Variants in CORO7 observed in about 807,000 individuals in gnomAD.
CORO7 encodes the protein coronin 7, also known as coronin-7.
Under a neutral mutation model 126.6 loss-of-function variants are expected in CORO7, and 107 were observed. That is an observed-to-expected ratio of 0.85 (90% CI 0.72 to 0.99). The LOEUF is 0.99. Ranked by LOEUF, CORO7 falls within the 50% of genes least tolerant of loss-of-function variation. CORO7 has a pLI of 0.00. For missense variants in CORO7, 1,314 were observed against 1,255.8 expected, an observed-to-expected ratio of 1.05 and a Z score of -0.70; for synonymous variants, 603 against 536.8, an observed-to-expected ratio of 1.12 and a Z score of -1.70.
chr16:4,408,339 T>C (rs1007765678), intron 3 of CORO7, 88 bp from the exon 4 acceptor site: 1 of 1,572,878 alleles, frequency 6.4e-7, no homozygotes, highest in Non-Finnish European at 8.7e-7. Flanking sequence ...GGTGACACTT[T>C]TGTGTGCACA....
chr16:4,406,607 T>G (rs989213412), intron 5 of CORO7, among the ~76,000 whole-genome samples: 46 of 149,956 alleles, frequency 3.1e-4, no homozygotes, highest in African/African-American at 1.1e-3. Context: ...TCCAAGAAGG[T>G]TTTTTTTTGG....
chr16:4,384,092 G>A (rs1231751356), intron 9 of CORO7, among the ~76,000 whole-genome samples: 8 of 152,202 alleles, frequency 5.3e-5, no homozygotes, highest in Admixed American at 2.6e-4. Flanking sequence ...GCTCTGGTGG[G>A]AGGGGAAGTG....
chr16:4,369,232 C>A (rs1435365571), intron 9 of CORO7, among the ~76,000 whole-genome samples: 1 of 152,272 alleles, frequency 6.6e-6, no homozygotes, highest in Non-Finnish European at 1.5e-5. Flanking sequence ...ATCCTGTCTG[C>A]CGTGGCACGG....
chr16:4,397,532 G>A (rs1159266140), intron 6 of CORO7: 1 of 152,146 alleles, frequency 6.6e-6, no homozygotes, highest in East Asian at 1.9e-4. Context: ...AGGCCAAAGT[G>A]GAAGAATCAC....
intron 21 of CORO7, 72 bp downstream of exon 21, chr16:4,360,206 T>C (rs1044561428): frequency 4.4e-6 from 7 of 1,596,472 alleles, no homozygotes; most frequent in African/African-American, 2.7e-5. Context: ...GCCTGACAAA[T>C]GTATGTGACT....
intron 8 of CORO7, 48 bp from the exon 9 acceptor site, chr16:4,388,116 C>G: frequency 6.3e-7 from 1 of 1,577,676 alleles, no homozygotes; most frequent in Non-Finnish European, 8.6e-7. Context: ...TCCCTCAGCC[C>G]CACCCGGGGG....
chr16:4,387,934 C>T (rs566575904), intron 9 of CORO7, 52 bp downstream of exon 9: 39 of 1,602,018 alleles, frequency 2.4e-5, no homozygotes, highest in East Asian at 4.5e-5. Context: ...CCCTCACCTG[C>T]GGCGCCTTGG....
intron 3 of CORO7, among the ~76,000 whole-genome samples, chr16:4,410,883 A>G (rs2056180844): frequency 6.6e-6 from 1 of 152,206 alleles, no homozygotes; most frequent in South Asian, 2.1e-4. Context: ...CAATAAAACT[A>G]TTTACAAAAA....
chr16:4,415,088 G>C (rs746328087), intron 1 of CORO7, among the ~76,000 whole-genome samples: 1 of 151,844 alleles, frequency 6.6e-6, no homozygotes, highest in Non-Finnish European at 1.5e-5. Flanking sequence ...GGCTGGTCTC[G>C]AACTCCTGAG....
Position 4,407,398 on chromosome 16 carries a change from G to C in CORO7, c.487+103C>G, listed in dbSNP as rs999230035. The C allele has an allele frequency of 2.2e-6, 3 of 1,363,270 alleles. No homozygotes were observed. The East Asian group carries it at 7.5e-5, about 34-fold the overall frequency. The allele number at this position is 1,363,270 out of a possible 1,614,324, so 84.4% of individuals were successfully genotyped here. On this transcript the variant is annotated intron_variant, in intron 5 of 27. Transcript: ENST00000251166. ...TTATACTATGTAAGTGTAAAACTTTGATATCTGTTTTTAAATTTATGTGAC... is the reference window on the plus strand; with the variant it reads ...TTATACTATGTAAGTGTAAAACTTTCATATCTGTTTTTAAATTTATGTGAC...
Position 4,358,451 on chromosome 16 carries a change from G to A in CORO7, c.2373C>T (p.Asp791=), listed in dbSNP as rs774821649. The change falls in exon 24 of 28, where the codon GAC becomes GAT. Residue 791 remains aspartate (D), a synonymous_variant. Coordinates refer to ENST00000251166, the MANE Select transcript of CORO7 (RefSeq NM_024535.5). ...GLVLLPKTEC[D]VREVELMRCL... ...ACCGCATCAGCTCCACTTCCCGCACGTCGCACTCCGTCTTAGGCAGGAGGA... is the reference window on the plus strand; with the variant it reads ...ACCGCATCAGCTCCACTTCCCGCACATCGCACTCCGTCTTAGGCAGGAGGA... The A allele has an allele frequency of 1.3e-5, 21 of 1,609,792 alleles. No individual in the cohort carries two copies. The highest frequency in any genetic ancestry group is 4.0e-5 in the African/African-American group (3 of 74,976).
chr16:4,413,189 C>A lies in CORO7; in HGVS notation c.157+119G>T, dbSNP rs572097441. 4.6e-6 allele frequency: 5 copies of A among 1,085,792 alleles called. No homozygotes were observed. The South Asian group carries it at 6.4e-5, about 14-fold the overall frequency. 67.3% of individuals were successfully genotyped at this position (1,085,792 alleles called of 1,614,324 possible). ...GGCATGGGGCTCACCTCTGAGCCCC[C>A]CAAAGCAGTTCCGTTCCAAGTCTCC... is the stretch of plus-strand genomic sequence containing the variant. On this transcript the variant is annotated intron_variant, in intron 2 of 27. Coordinates refer to ENST00000251166, the MANE Select transcript of CORO7 (RefSeq NM_024535.5).
chr16:4,387,956 C>A (rs777681721), intron 9 of CORO7, 30 bp downstream of exon 9: 2 of 1,610,942 alleles, frequency 1.2e-6, no homozygotes, highest in African/African-American at 2.7e-5. Flanking sequence ...TCATCAGCCC[C>A]CCAGCCCACC....
intron 6 of CORO7, among the ~76,000 whole-genome samples, chr16:4,401,798 G>A (rs995792767): frequency 6.6e-6 from 1 of 152,172 alleles, no homozygotes; most frequent in African/African-American, 2.4e-5. Flanking sequence ...AGTCAGGGCT[G>A]CTCCTGCCCC....
At chr16:4,382,503 G>A in intron 9 of CORO7, 5 of 1,592,702 alleles carry the variant, frequency 3.1e-6, no homozygotes, top group Non-Finnish European at 4.3e-6. Context: ...GGCCCGGGCG[G>A]GTGCCGGAGG....
In CORO7 at chr16:4,359,596, A is replaced by G. The variant is rs1380510293; in HGVS notation, c.2134T>C (p.Tyr712His). 26 of 1,606,322 alleles carry G rather than the reference A, an allele frequency of 1.6e-5. No homozygotes were observed. Among genetic ancestry groups the G allele is most frequent in the Non-Finnish European group, 2.1e-5 (25 of 1,175,060 alleles). ...CCGCCGGCCAGGGCCTCAGCTTCAT[A>G]TAGGAGCAGCTGGCGCTCACTTTGG... ...DSQSERQLLL[Y>H]EAEALAGGPL... Residue 712 changes from tyrosine to histidine, a missense_variant, in exon 22 of 28, where the codon TAT becomes CAT. Transcript: ENST00000251166.
At chr16:4,358,518 A>T (rs759313798) in intron 23 of CORO7, 35 bp from the exon 24 acceptor site, 51 of 1,547,646 alleles carry the variant, frequency 3.3e-5, no homozygotes, top group Middle Eastern at 4.1e-4. Flanking sequence ...TGCCGCTGGG[A>T]CCTAGAGCTC....
In CORO7 at chr16:4,408,326, C is replaced by T. The variant is rs74003298; in HGVS notation, c.233-75G>A. 4.9e-4 allele frequency: 789 copies of T among 1,598,168 alleles called. 3 individuals are homozygous for T. The African/African-American group carries it at 8.9e-3, about 18-fold the overall frequency. On this transcript the variant is annotated intron_variant, in intron 3 of 27. Transcript: ENST00000251166. ...AGTATGAAGCAAAGCCCAGGGCTTCCGAGGTGACACTTTTGTGTGCACACA... is the reference window on the plus strand; with the variant it reads ...AGTATGAAGCAAAGCCCAGGGCTTCTGAGGTGACACTTTTGTGTGCACACA...
At chr16:4,388,212 C>A in intron 8 of CORO7, 144 bp from the exon 9 acceptor site, 1 of 1,037,192 alleles carries the variant, frequency 9.6e-7, no homozygotes, top group Non-Finnish European at 1.4e-6. Flanking sequence ...GTGGGAGTCA[C>A]CCCAGGGAAA....
Sources: gnomAD v4.1 joint callset for allele counts (sites outside exome capture counted in the v4.1 genomes callset) on GRCh38, gnomAD v4.1.1 for gene constraint, MANE v1.5 for transcripts, NCBI Gene and HGNC (gene_info 2026-07-23, HGNC 2026-07-21) for gene names.